The following PCDH7 variants were observed in gnomAD, a reference collection of about 807,000 sequenced individuals.
PCDH7 encodes protocadherin 7.
A neutral mutation model predicts 58.9 loss-of-function variants in PCDH7; 17 were observed. The ratio of observed to expected loss-of-function variants is 0.29; its 90% confidence interval spans 0.20 to 0.43. The LOEUF (loss-of-function observed/expected upper bound fraction) is 0.43, where lower values mean the gene tolerates loss of function less well. PCDH7 is among the 20% of genes least tolerant of loss of function. The pLI is 1.00. For synonymous variants in PCDH7, 664 were observed against 616.4 expected (o/e 1.08, Z -1.14); for missense variants, 1,274 against 1,441.0 (o/e 0.88, Z 1.88).
At chr4:30,862,856 G>A (rs914327136) in intron 1 of PCDH7, among the ~76,000 whole-genome samples, 2 of 151,908 alleles carry the variant, frequency 1.3e-5, no homozygotes, top group Admixed American at 6.6e-5. Context: ...GGTTACTATA[G>A]TACCATGAGA....
chr4:30,869,476 C>T (rs946855779), intron 1 of PCDH7, among the ~76,000 whole-genome samples: 12 of 152,018 alleles, frequency 7.9e-5, no homozygotes, highest in Non-Finnish European at 1.5e-4. Flanking sequence ...ATGTTCACCT[C>T]CCTGTGTCCA....
intron 3 of PCDH7, among the ~76,000 whole-genome samples, chr4:31,102,226 A>G (rs1714983133): frequency 6.6e-6 from 1 of 151,954 alleles, no homozygotes; most frequent in Non-Finnish European, 1.5e-5. Context: ...TCCAAATGAT[A>G]GCCTAAATCC....
At chr4:31,143,112 C>CAAAAAAAAA (rs796939097), downstream of PCDH7, 1 of 97,202 alleles carries the variant, frequency 1.0e-5, no homozygotes, top group Non-Finnish European at 2.2e-5. Context: ...CACCCCTCTC[C>CAAAAAAAAA]AAAAAAAAAA....
At chr4:30,837,483 C>T (rs1730632063) in intron 1 of PCDH7, among the ~76,000 whole-genome samples, 1 of 148,946 alleles carries the variant, frequency 6.7e-6, no homozygotes, top group African/African-American at 2.5e-5. Flanking sequence ...AAAAAAATGG[C>T]ATACTGTGAC....
At chr4:30,931,204 T>A (rs1744535783) in intron 2 of PCDH7, among the ~76,000 whole-genome samples, 1 of 152,166 alleles carries the variant, frequency 6.6e-6, no homozygotes, top group Admixed American at 6.6e-5. Flanking sequence ...GACCTGTGCC[T>A]TGGCTACCGT....
chr4:30,767,354 G>T (rs1280047810), intron 1 of PCDH7, among the ~76,000 whole-genome samples: 1 of 152,134 alleles, frequency 6.6e-6, no homozygotes, highest in Non-Finnish European at 1.5e-5. Flanking sequence ...TAAGAACACG[G>T]GTGATTAGAC....
intron 1 of PCDH7, among the ~76,000 whole-genome samples, chr4:30,808,564 A>G (rs1726559596): frequency 6.6e-6 from 1 of 152,106 alleles, no homozygotes; most frequent in Non-Finnish European, 1.5e-5. Flanking sequence ...TCAGCTCAAC[A>G]TTCATCCTCC....
intron 3 of PCDH7, among the ~76,000 whole-genome samples, chr4:31,079,323 T>G (rs1560627979): frequency 2.7e-5 from 1 of 37,696 alleles, no homozygotes; most frequent in Non-Finnish European, 4.9e-5. Context: ...TATATATATA[T>G]ATATATATAT....
chr4:30,907,604 A>G (rs899919004), intron 1 of PCDH7, among the ~76,000 whole-genome samples: 1 of 152,120 alleles, frequency 6.6e-6, no homozygotes, highest in African/African-American at 2.4e-5. Context: ...GAAACAACAG[A>G]TGCTGGAGAG....
downstream of PCDH7, among the ~76,000 whole-genome samples, chr4:30,735,982 C>G (rs1192141861): frequency 6.6e-6 from 1 of 152,146 alleles, no homozygotes; most frequent in Non-Finnish European, 1.5e-5. Context: ...ATTTTCTGCT[C>G]TCATACTTAT....
intron 2 of PCDH7, among the ~76,000 whole-genome samples, chr4:30,949,073 T>C (rs1747051325): frequency 6.6e-6 from 1 of 152,170 alleles, no homozygotes; most frequent in Non-Finnish European, 1.5e-5. Flanking sequence ...TTCATCAATG[T>C]CCTAGCCCTT....
intron 1 of PCDH7, among the ~76,000 whole-genome samples, chr4:30,866,805 G>T (rs570893295): frequency 6.6e-6 from 1 of 152,048 alleles, no homozygotes; most frequent in Admixed American, 6.6e-5. Context: ...AACAGGACTT[G>T]CAAAGGAAAG....
At chr4:31,073,711 T>C (rs1758749218) in intron 3 of PCDH7, among the ~76,000 whole-genome samples, 1 of 152,208 alleles carries the variant, frequency 6.6e-6, no homozygotes, top group Non-Finnish European at 1.5e-5. Flanking sequence ...CATTACATGG[T>C]GGGATTATTT....
At chr4:30,909,960 A>G (rs116536758) in intron 1 of PCDH7, among the ~76,000 whole-genome samples, 1 of 152,202 alleles carries the variant, frequency 6.6e-6, no homozygotes, top group Non-Finnish European at 1.5e-5. Context: ...ACCTAGTGGT[A>G]CTAGTACCAA....
chr4:30,812,675 T>C (rs1234163934), intron 1 of PCDH7, among the ~76,000 whole-genome samples: 1 of 152,178 alleles, frequency 6.6e-6, no homozygotes, highest in Non-Finnish European at 1.5e-5. Context: ...AAAGGGTAGG[T>C]TCTCTTGGTA....
At chr4:30,971,976 A>ATAAT (rs910707726) in intron 3 of PCDH7, among the ~76,000 whole-genome samples, 9 of 152,156 alleles carry the variant, frequency 5.9e-5, no homozygotes, top group Non-Finnish European at 1.3e-4. Context: ...TAAAAATAAA[A>ATAAT]TAATTATTAA....
chr4:30,875,312 G>A (rs984837873), intron 1 of PCDH7, among the ~76,000 whole-genome samples: 5 of 151,956 alleles, frequency 3.3e-5, no homozygotes, highest in South Asian at 2.1e-4. Context: ...GAATTAGGGC[G>A]TGGCCTAATG....
intron 1 of PCDH7, among the ~76,000 whole-genome samples, chr4:30,776,051 C>G (rs1265933773): frequency 2.0e-5 from 3 of 152,174 alleles, no homozygotes; most frequent in South Asian, 2.1e-4. Context: ...GAAGAGTAAC[C>G]ATGGTCGTCT....
At chr4:31,106,895 T>A (rs1344100374) in intron 3 of PCDH7, among the ~76,000 whole-genome samples, 1 of 152,220 alleles carries the variant, frequency 6.6e-6, no homozygotes, top group Non-Finnish European at 1.5e-5. Context: ...TGATGTTTAA[T>A]AAAAGATGAG....
Sources: gnomAD v4.1 joint callset for allele counts (sites outside exome capture counted in the v4.1 genomes callset) on GRCh38, gnomAD v4.1.1 for gene constraint, MANE v1.5 for transcripts, NCBI Gene and HGNC (gene_info 2026-07-23, HGNC 2026-07-21) for gene names.